The following DTX2 variants were observed in gnomAD, a reference collection of about 807,000 sequenced individuals.
DTX2 encodes probable E3 ubiquitin-protein ligase DTX2.
DTX2 carries 29 observed loss-of-function variants against 55.3 expected under a neutral mutation model. The observed-to-expected ratio is 0.52, with a 90% CI of 0.39 to 0.71. The LOEUF is 0.71. DTX2 is among the 30% of genes least tolerant of loss of function. DTX2 has a pLI of 0.00. For synonymous variants in DTX2, 276 were observed against 340.4 expected (o/e 0.81, Z 2.08); for missense variants, 537 against 822.5 (o/e 0.65, Z 4.25).
rs755346853 is a variant in DTX2 at position 76,505,736 on chromosome 7, G to A, written c.*135G>A. The A allele has an allele frequency of 2.6e-5, 24 of 933,080 alleles. No individual in the cohort carries two copies. Among genetic ancestry groups the A allele is most frequent in the Middle Eastern group, 2.2e-4 (1 of 4,640 alleles). 57.8% of individuals were successfully genotyped at this position (933,080 alleles called of 1,614,324 possible). A position where few individuals can be genotyped will look rare whatever the true frequency, so the allele number is the denominator to read the frequency against. On this transcript the variant is annotated 3_prime_UTR_variant, in exon 11 of 11. Transcript: ENST00000430490. The surrounding 1 kb of genome is among the most constrained non-coding windows in gnomAD (Gnocchi z 4.4). The stretch of plus-strand genomic sequence containing the variant: ...TGTGGGGTGTGCCCCACCTGAAGCC[G>A]GGGCTCCCCCTGCCTGCCTCTCTCT...
chr7:76,486,925 C>T (rs1308747302), intron 4 of DTX2, among the ~76,000 whole-genome samples: 1 of 141,212 alleles, frequency 7.1e-6, no homozygotes, highest in Non-Finnish European at 1.5e-5. Flanking sequence ...CTTCCTCCTG[C>T]TGCCACCTGT....
chr7:76,492,456 CCTGATGACGGT>C (rs1431671601), intron 5 of DTX2, among the ~76,000 whole-genome samples: 23 of 131,062 alleles, frequency 1.8e-4, no homozygotes, highest in African/African-American at 6.5e-4. Context: ...GGTACGTGGG[CCTGATGACGGT>C]GGGCGCTCGG....
At chr7:76,501,515 G>C (rs2257223) in intron 7 of DTX2, among the ~76,000 whole-genome samples, 52,013 of 142,546 alleles carry the variant, frequency 0.36, 9,815 homozygotes, top group East Asian at 0.43. Context: ...GCCTGGAACC[G>C]CCAGCAGGAC....
intron 6 of DTX2, chr7:76,500,093 G>T (rs1184128736): frequency 2.8e-6 from 1 of 351,162 alleles, no homozygotes; most frequent in South Asian, 2.1e-5. Flanking sequence ...GCGGCTGTCT[G>T]ACTCTTCCGC....
intron 2 of DTX2, among the ~76,000 whole-genome samples, chr7:76,477,757 A>G (rs2005531): frequency 1.5e-4 from 21 of 136,690 alleles, no homozygotes; most frequent in Middle Eastern, 3.6e-3. Context: ...TGGTGATTGC[A>G]GCCACTGCAC....
Position 76,483,056 on chromosome 7 carries a change from T to C in DTX2, c.817T>C (p.Ser273Pro), listed in dbSNP as rs781339036. ...CAACGCCTGGGGCGCAGCTCCTCCTTCCCTGGGGAGCCAGCCCCTCTACCG... is the reference window on the plus strand; with the variant it reads ...CAACGCCTGGGGCGCAGCTCCTCCTCCCCTGGGGAGCCAGCCCCTCTACCG... ...TTNAWGAAPP[S>P]LGSQPLYRSS... is the part of the protein sequence containing the mutation. Residue 273 changes from serine (S) to proline (P), a missense_variant, in exon 4 of 11, where the codon TCC (serine) becomes CCC (proline). Physicochemically the swap from Ser to Pro is moderately conservative, Grantham distance 74. Transcript: ENST00000430490. 3 of 1,613,120 alleles carry C rather than the reference T, an allele frequency of 1.9e-6. No homozygotes were observed. Among genetic ancestry groups the C allele is most frequent in the South Asian group, 1.1e-5 (1 of 91,038 alleles).
At chr7:76,498,187 G>A (rs1811137876) in intron 6 of DTX2, among the ~76,000 whole-genome samples, 2 of 152,060 alleles carry the variant, frequency 1.3e-5, no homozygotes, top group African/African-American at 4.8e-5. Flanking sequence ...CAGTGTCTGT[G>A]TCATCTCAGC....
At chr7:76,502,495 C>G (rs6963784) in intron 8 of DTX2, 39 bp downstream of exon 8, 618,813 of 1,597,074 alleles carry the variant, frequency 0.39, 122,877 homozygotes, top group East Asian at 0.44. Flanking sequence ...GGTGGCCCGC[C>G]CCCACAGTCC....
chr7:76,466,743 C>T lies in DTX2; in HGVS notation c.-90+3034C>T, dbSNP rs547546799. ...ACTCCGGAGTAGCTAGGATTACAGG[C>T]ATGCGCCACCATGCCCGGCTAATTT... On this transcript the variant is annotated intron_variant, in intron 2 of 10. Transcript: ENST00000430490. Among the ~76,000 whole-genome samples, 73 of 152,388 alleles carry T rather than the reference C, an allele frequency of 4.8e-4. 1 individual carries two copies. The South Asian group carries it at 0.013, about 26-fold the overall frequency.
Position 76,495,590 on chromosome 7 carries a change from T to A in DTX2, c.1010-1747T>A, listed in dbSNP as rs536698217. Among the ~76,000 whole-genome samples the A allele has an allele frequency of 8.3e-3, 1,228 of 148,752 alleles. 5 individuals are homozygous for A. The highest frequency in any genetic ancestry group is 0.014 in the Non-Finnish European group (962 of 66,874). ...CACGTGTGTCACTCATGCGGCCTCCTGGGGGCTGGTGGTGGCCCAAGGATG... is the reference window on the plus strand; with the variant it reads ...CACGTGTGTCACTCATGCGGCCTCCAGGGGGCTGGTGGTGGCCCAAGGATG... On this transcript the variant is annotated intron_variant, in intron 5 of 10. Transcript: ENST00000430490.
At chr7:76,481,189 CTTTT>C (rs11320055) in intron 3 of DTX2, among the ~76,000 whole-genome samples, 2 of 143,920 alleles carry the variant, frequency 1.4e-5, no homozygotes, top group South Asian at 2.2e-4. Context: ...GTGTTTTGAT[CTTTT>C]TTTTTTTTTT....
In DTX2 at chr7:76,505,728, C is replaced by A; in HGVS notation, c.*127C>A. On this transcript the variant is annotated 3_prime_UTR_variant, in exon 11 of 11. Transcript: ENST00000430490. The surrounding 1 kb of genome is among the most constrained non-coding windows in gnomAD (Gnocchi z 4.4). ...GTTGAGGGTGTGGGGTGTGCCCCAC[C>A]TGAAGCCGGGGCTCCCCCTGCCTGC... 9.9e-7 allele frequency: 1 copy of A among 1,010,342 alleles called. No individual in the cohort carries two copies. Among genetic ancestry groups the A allele is most frequent in the Non-Finnish European group, 1.4e-6 (1 of 696,582 alleles). The allele number at this position is 1,010,342 out of a possible 1,614,324, so 62.6% of individuals were successfully genotyped here.
At chr7:76,499,850 C>G in intron 6 of DTX2, 1 of 255,412 alleles carries the variant, frequency 3.9e-6, no homozygotes, top group Non-Finnish European at 8.0e-6. Flanking sequence ...CCTGCCACGT[C>G]TTGGCCCCTC....
At position 76,505,654 on chromosome 7, in the gene DTX2, G is replaced by A; in HGVS notation, c.*53G>A. 6.6e-7 allele frequency: 1 copy of A among 1,514,188 alleles called. No individual in the cohort carries two copies. The highest frequency in any genetic ancestry group is 8.9e-7 in the Non-Finnish European group (1 of 1,129,172). The allele number at this position is 1,514,188 out of a possible 1,614,324, so 93.8% of individuals were successfully genotyped here. A position where few individuals can be genotyped will look rare whatever the true frequency, so the allele number is the denominator to read the frequency against. On this transcript the variant is annotated 3_prime_UTR_variant, in exon 11 of 11. Transcript: ENST00000430490. This position sits in a 1 kb window ranked among gnomAD's most constrained non-coding sequence, Gnocchi z 4.4. Reference sequence around the variant, plus strand: ...GTGGCCACCCCGCTGCCCCATGGCTGGCTGGGTGGCCAGGCAGGAAGTGCC... The same window carrying A: ...GTGGCCACCCCGCTGCCCCATGGCTAGCTGGGTGGCCAGGCAGGAAGTGCC...
chr7:76,498,451 C>T (rs1308473636), intron 6 of DTX2, among the ~76,000 whole-genome samples: 2 of 150,852 alleles, frequency 1.3e-5, no homozygotes, highest in Admixed American at 1.3e-4. Context: ...CTGTGGCACT[C>T]GGGTTTACCT....
At chr7:76,486,847 G>GCGGCTGCTGCTGCTA (rs1162110217) in intron 4 of DTX2, among the ~76,000 whole-genome samples, 4 of 55,862 alleles carry the variant, frequency 7.2e-5, no homozygotes, top group African/African-American at 2.2e-4. Context: ...GTTGTGGTGG[G>GCGGCTGCTGCTGCTA]CTGCTGCTGC....
intron 3 of DTX2, 120 bp from the exon 4 acceptor site, chr7:76,482,388 C>T (rs1809330333): frequency 1.8e-6 from 2 of 1,113,848 alleles, no homozygotes; most frequent in Admixed American, 4.6e-5. Context: ...CAAATAGCAG[C>T]ATGACTGTGT....
chr7:76,471,621 T>G (rs1171028027), intron 2 of DTX2, among the ~76,000 whole-genome samples: 1 of 151,248 alleles, frequency 6.6e-6, no homozygotes, highest in Non-Finnish European at 1.5e-5. Context: ...TTTGAACCCC[T>G]GGGCTCAAAG....
At chr7:76,469,330 C>T (rs2530626) in intron 2 of DTX2, among the ~76,000 whole-genome samples, 66,293 of 118,368 alleles carry the variant, frequency 0.56, 17,357 homozygotes, top group African/African-American at 0.66. Flanking sequence ...TGCCATCTTT[C>T]CTGATTTTCA....
Sources: gnomAD v4.1 joint callset for allele counts (sites outside exome capture counted in the v4.1 genomes callset) on GRCh38, gnomAD v4.1.1 for gene constraint, Gnocchi (gnomAD v3.1) non-coding constraint, MANE v1.5 for transcripts, NCBI Gene and HGNC (gene_info 2026-07-23, HGNC 2026-07-21) for gene names.